CCSER1: variants seen among roughly 807,000 people sequenced by gnomAD.
CCSER1 encodes serine-rich coiled-coil domain-containing protein 1.
In CCSER1, 41 loss-of-function variants were observed where a neutral mutation model predicts 82.0. The observed-to-expected ratio is 0.50, with a 90% confidence interval of 0.39 to 0.65. The LOEUF is 0.65. Among genes scored for constraint, CCSER1 ranks in the 30% least tolerant of loss-of-function variants. CCSER1 has a pLI of 0.00. For synonymous variants in CCSER1, 414 were observed against 383.9 expected, an observed-to-expected ratio of 1.08 and a Z score of -0.92; for missense variants, 1,119 against 1,064.2, an observed-to-expected ratio of 1.05 and a Z score of -0.72.
intron 4 of CCSER1, among the ~76,000 whole-genome samples, chr4:90,409,434 G>T (rs899587282): frequency 6.6e-6 from 1 of 152,130 alleles, no homozygotes; most frequent in Non-Finnish European, 1.5e-5. Flanking sequence ...CTGATCTCTC[G>T]GCAGAAACTC....
At chr4:90,375,627 C>G (rs568577181) in intron 3 of CCSER1, among the ~76,000 whole-genome samples, 6 of 152,288 alleles carry the variant, frequency 3.9e-5, no homozygotes, top group African/African-American at 9.6e-5. Context: ...CCACATAACT[C>G]TAACCATGAT....
intron 9 of CCSER1, among the ~76,000 whole-genome samples, chr4:90,979,040 CA>C: frequency 6.6e-6 from 1 of 151,662 alleles, no homozygotes; most frequent in East Asian, 2.0e-4. Context: ...TACTTCCAAG[CA>C]CCCTAAAACA....
chr4:91,402,281 A>T (rs1752393398), intron 10 of CCSER1, among the ~76,000 whole-genome samples: 1 of 152,058 alleles, frequency 6.6e-6, no homozygotes, highest in African/African-American at 2.4e-5. Flanking sequence ...TTCTTTGTAG[A>T]TTCTGGAAAT....
intron 9 of CCSER1, among the ~76,000 whole-genome samples, chr4:91,060,622 A>G (rs1201623503): frequency 6.6e-6 from 1 of 151,932 alleles, no homozygotes; most frequent in East Asian, 1.9e-4. Context: ...CTTGTCTTTT[A>G]TATTGCACTT....
In CCSER1 at chr4:90,572,568, C is replaced by T. The variant is rs529154249; in HGVS notation, c.1725-55457C>T. Among the ~76,000 whole-genome samples, 32 of 150,452 alleles carry T rather than the reference C, an allele frequency of 2.1e-4. No individual in the cohort carries two copies. The South Asian group carries it at 5.1e-3, about 24-fold the overall frequency. On this transcript the variant is annotated intron_variant, in intron 5 of 10. Transcript: ENST00000509176. ...TTTGTTTAAATAACATATCTTTGAG[C>T]GCACGTTATTATTATTATTATTATT...
At chr4:90,775,137 T>A (rs1752727584) in intron 7 of CCSER1, among the ~76,000 whole-genome samples, 1 of 152,128 alleles carries the variant, frequency 6.6e-6, no homozygotes, top group South Asian at 2.1e-4. Flanking sequence ...CCTCAAAGAT[T>A]ACAATTGAAT....
At chr4:91,236,492 AC>A (rs1210894499) in intron 10 of CCSER1, among the ~76,000 whole-genome samples, 1 of 152,110 alleles carries the variant, frequency 6.6e-6, no homozygotes, top group Admixed American at 6.6e-5. Context: ...CAGAAACAAA[AC>A]AAAAAGAAAA....
chr4:90,179,766 A>G (rs1420019018), intron 1 of CCSER1, among the ~76,000 whole-genome samples: 2 of 151,696 alleles, frequency 1.3e-5, no homozygotes, highest in African/African-American at 4.9e-5. Context: ...TTTTATTAGA[A>G]AGTATTTCCT....
intron 5 of CCSER1, among the ~76,000 whole-genome samples, chr4:90,492,407 T>G (rs1768190373): frequency 6.6e-6 from 1 of 152,202 alleles, no homozygotes; most frequent in Non-Finnish European, 1.5e-5. Context: ...TTCTTCTCTC[T>G]TTTCTTCTTT....
At chr4:90,364,415 A>G (rs1745920036) in intron 3 of CCSER1, among the ~76,000 whole-genome samples, 1 of 152,058 alleles carries the variant, frequency 6.6e-6, no homozygotes, top group African/African-American at 2.4e-5. Context: ...CGGAATCACT[A>G]AAATTGATGG....
At chr4:91,311,396 TG>T (rs1745467345) in intron 10 of CCSER1, among the ~76,000 whole-genome samples, 1 of 151,976 alleles carries the variant, frequency 6.6e-6, no homozygotes, top group Non-Finnish European at 1.5e-5. Context: ...AGAGACTTTT[TG>T]TTTTTGTTGC....
At chr4:90,266,540 C>G (rs908902598) in intron 1 of CCSER1, among the ~76,000 whole-genome samples, 1 of 151,870 alleles carries the variant, frequency 6.6e-6, no homozygotes, top group African/African-American at 2.4e-5. Flanking sequence ...GTGGTTTTAA[C>G]TTTATATTGC....
chr4:91,119,387 C>T (rs1216748416), intron 10 of CCSER1, among the ~76,000 whole-genome samples: 1 of 151,796 alleles, frequency 6.6e-6, no homozygotes, highest in Non-Finnish European at 1.5e-5. Context: ...TAGGAATGTT[C>T]TTAGGGATTT....
At chr4:90,373,844 C>T (rs1378259265) in intron 3 of CCSER1, among the ~76,000 whole-genome samples, 1 of 152,098 alleles carries the variant, frequency 6.6e-6, no homozygotes, top group Non-Finnish European at 1.5e-5. Flanking sequence ...GTTTACTACC[C>T]ATGGTAAAAT....
chr4:91,014,950 G>GATTCCT, intron 9 of CCSER1, among the ~76,000 whole-genome samples: 2 of 82,794 alleles, frequency 2.4e-5, no homozygotes, highest in Middle Eastern at 6.6e-3. Flanking sequence ...TTATTACAGT[G>GATTCCT]GAAATTGTGC....
chr4:91,568,008 T>C (rs925265504), intron 10 of CCSER1, among the ~76,000 whole-genome samples: 10 of 152,168 alleles, frequency 6.6e-5, no homozygotes, highest in Admixed American at 5.2e-4. Context: ...TAGAGGTCTT[T>C]TCTTTCTATA....
chr4:91,289,601 C>T (rs1314076970), intron 10 of CCSER1, among the ~76,000 whole-genome samples: 1 of 151,882 alleles, frequency 6.6e-6, no homozygotes, highest in African/African-American at 2.4e-5. Context: ...GTAAACTCAA[C>T]ACAGCCAAGG....
chr4:91,529,401 A>G (rs763818799), intron 10 of CCSER1, among the ~76,000 whole-genome samples: 30 of 152,090 alleles, frequency 2.0e-4, no homozygotes, highest in Non-Finnish European at 3.7e-4. Context: ...CTAAGTTATC[A>G]GTTGTTTTTC....
chr4:91,058,563 T>C (rs1332538000), intron 9 of CCSER1, among the ~76,000 whole-genome samples: 1 of 152,066 alleles, frequency 6.6e-6, no homozygotes, highest in Non-Finnish European at 1.5e-5. Context: ...CCCAATCTTG[T>C]ATTCTCATTA....
Sources: gnomAD v4.1 joint callset for allele counts (sites outside exome capture counted in the v4.1 genomes callset) on GRCh38, gnomAD v4.1.1 for gene constraint, MANE v1.5 for transcripts, NCBI Gene and HGNC (gene_info 2026-07-23, HGNC 2026-07-21) for gene names.